Variants in C1orf167 observed in about 807,000 individuals in gnomAD.
The protein encoded by C1orf167 is uncharacterized protein C1orf167.
C1orf167 carries 153 observed loss-of-function variants against 176.5 expected under a neutral mutation model. The ratio of observed to expected loss-of-function variants is 0.87; its 90% CI spans 0.76 to 0.99. C1orf167 has a LOEUF of 0.99. Ranked by LOEUF, C1orf167 falls within the 50% of genes least tolerant of loss-of-function variation. C1orf167 has a pLI of 0.00. For missense variants in C1orf167, 1,490 were observed against 1,817.7 expected, an observed-to-expected ratio of 0.82 and a Z score of 3.28; for synonymous variants, 594 against 752.7, an observed-to-expected ratio of 0.79 and a Z score of 3.45.
chr1:11,767,405 G>A (rs954224316), intron 4 of C1orf167, 141 bp downstream of exon 4: 64 of 711,028 alleles, frequency 9.0e-5, no homozygotes, highest in Non-Finnish European at 1.3e-4. Flanking sequence ...CTTACTACCT[G>A]TCCCTGCTGG....
intron 6 of C1orf167, among the ~76,000 whole-genome samples, chr1:11,770,798 C>A (rs1643017239): frequency 7.8e-6 from 1 of 127,596 alleles, no homozygotes; most frequent in Non-Finnish European, 1.7e-5. Flanking sequence ...CAATTTTCTA[C>A]TACAGTTGGG....
At position 11,775,613 on chromosome 1, in the gene C1orf167, G is replaced by GAGCTAGT; in HGVS notation, c.2164+4_2164+10dup. 7.7e-7 allele frequency: 1 copy of GAGCTAGT among 1,301,024 alleles called. No homozygotes were observed. Among genetic ancestry groups the GAGCTAGT allele is most frequent in the South Asian group, 1.2e-5 (1 of 80,592 alleles). The allele number at this position is 1,301,024 out of a possible 1,614,324, so 80.6% of individuals were successfully genotyped here. A position where few individuals can be genotyped will look rare whatever the true frequency, so the allele number is the denominator to read the frequency against. ...GTCCCTCTGCCGGCAGAAAGCAGGT[G>GAGCTAGT]AGCTAGTGTTGGCTTCCGCCCCAGC... On this transcript the variant is annotated splice_donor_region_variant and intron_variant, in intron 9 of 20. Transcript: ENST00000688073.
chr1:11,789,159 G>A (rs897112727), intron 20 of C1orf167, 111 bp from the exon 21 acceptor site: 44 of 1,066,244 alleles, frequency 4.1e-5, no homozygotes, highest in Admixed American at 7.0e-5. Context: ...GGGGCAGAGG[G>A]AGGGGCCCTG....
chr1:11,780,370 C>T (rs1200485854), intron 13 of C1orf167, among the ~76,000 whole-genome samples: 3 of 152,104 alleles, frequency 2.0e-5, no homozygotes, highest in South Asian at 4.1e-4. Context: ...GTGAAATTTC[C>T]AAGAGGGACA....
At chr1:11,784,616 AG>A in intron 15 of C1orf167, 23 bp downstream of exon 15, 1 of 1,213,528 alleles carries the variant, frequency 8.2e-7, no homozygotes, top group South Asian at 1.5e-5. Flanking sequence ...GTCTAAGTGC[AG>A]CCCCACTCTG....
Position 11,767,015 on chromosome 1 carries a change from G to A in C1orf167, c.1229G>A (p.Arg410Gln), listed in dbSNP as rs757940966. 8.3e-6 allele frequency: 10 copies of A among 1,210,788 alleles called. No individual in the cohort carries two copies. The highest frequency in any genetic ancestry group is 6.3e-5 in the African/African-American group (4 of 63,390). The allele number at this position is 1,210,788 out of a possible 1,614,324, so 75.0% of individuals were successfully genotyped here. A position where few individuals can be genotyped will look rare whatever the true frequency, so the allele number is the denominator to read the frequency against. ...GGAGAGGAGGGGGCCCCGAGGGAGC[G>A]GGTCCACAGGGAGGAGGAGAGGACA... ...QKGEEGAPRE[R>Q]VHREEERTAF... The change falls in exon 3 of 21, where the codon CGG becomes CAG. Residue 410 changes from arginine to glutamine, a missense_variant. Physicochemically the swap from Arg to Gln is conservative, Grantham distance 43. Transcript: ENST00000688073.
At chr1:11,763,898 C>T (rs1642652500) in intron 1 of C1orf167, among the ~76,000 whole-genome samples, 1 of 152,100 alleles carries the variant, frequency 6.6e-6, no homozygotes, top group Non-Finnish European at 1.5e-5. Flanking sequence ...GGGGTGGCTC[C>T]AGGATTTTTG....
rs1643922661 is a variant in C1orf167, at chr1:11,787,694, T to C, written c.3674-179T>C. 4 of 1,012,770 alleles carry C rather than the reference T, an allele frequency of 3.9e-6. No individual in the cohort carries two copies. In the South Asian group the frequency reaches 7.0e-5, roughly 18 times the overall value. 62.7% of individuals were successfully genotyped at this position (1,012,770 alleles called of 1,614,324 possible). On this transcript the variant is annotated intron_variant, in intron 17 of 20. Transcript: ENST00000688073. ...ATTCCTGCCCCGCCCCTGTGATTTCTCTTTGGGCGGCAGGCAGCCGGGAGA... is the reference window on the plus strand; with the variant it reads ...ATTCCTGCCCCGCCCCTGTGATTTCCCTTTGGGCGGCAGGCAGCCGGGAGA...
rs938398385 is a variant in C1orf167, at chr1:11,784,245, A to G, written c.3077A>G (p.Asp1026Gly). Residue 1026 changes from aspartate (D) to glycine (G), a missense_variant, in exon 15 of 21, where the codon GAT (aspartate) becomes GGT (glycine). By Grantham distance (94) the Asp-to-Gly change is moderately conservative. Transcript: ENST00000688073. ...CGGGCCCAGCATCAAGCCTTTCAGG[A>G]TGGCCTGAGGAGAAGAGCACTGGGG... ...VLRAQHQAFQ[D>G]GLRRRALGAV... 1.2e-5 allele frequency: 16 copies of G among 1,296,926 alleles called. No homozygotes were observed. The highest frequency in any genetic ancestry group is 1.5e-5 in the Non-Finnish European group (15 of 985,036). The allele number at this position is 1,296,926 out of a possible 1,614,324, so 80.3% of individuals were successfully genotyped here.
chr1:11,771,496 G>T, intron 6 of C1orf167, 28 bp from the exon 7 acceptor site: 3 of 1,278,428 alleles, frequency 2.3e-6, no homozygotes, highest in Non-Finnish European at 3.1e-6. Context: ...CGGGTCATCA[G>T]CTTCTCTCTG....
chr1:11,784,974 G>A (rs766120768), intron 15 of C1orf167, among the ~76,000 whole-genome samples, 174 bp from the exon 16 acceptor site: 5 of 152,178 alleles, frequency 3.3e-5, no homozygotes, highest in Non-Finnish European at 5.9e-5. Context: ...CTTCCAGGTC[G>A]CTCTCCATCC....
At chr1:11,785,113 A>G (rs576133192) in intron 15 of C1orf167, 35 bp from the exon 16 acceptor site, 1 of 1,010,960 alleles carries the variant, frequency 9.9e-7, no homozygotes, top group East Asian at 7.4e-5. Context: ...CCTGGCCTTT[A>G]TGGCCCTGGC....
chr1:11,763,414 G>T (rs1258120714), intron 1 of C1orf167, among the ~76,000 whole-genome samples: 1 of 146,610 alleles, frequency 6.8e-6, no homozygotes, highest in Non-Finnish European at 1.5e-5. Flanking sequence ...CATTGTACCA[G>T]CCTGGGTGGC....
chr1:11,788,573 CG>C (rs758721001), intron 19 of C1orf167, 78 bp from the exon 20 acceptor site: 1 of 1,205,100 alleles, frequency 8.3e-7, no homozygotes, highest in Non-Finnish European at 1.1e-6. Context: ...GCAGCAGTGT[CG>C]GGGGAGAAAG....
At chr1:11,775,741 G>A in intron 9 of C1orf167, 131 bp downstream of exon 9, 2 of 1,134,266 alleles carry the variant, frequency 1.8e-6, no homozygotes, top group South Asian at 1.5e-5. Flanking sequence ...CAGCCTGTAG[G>A]CCTGGGAGGG....
chr1:11,766,966 T>C lies in C1orf167; in HGVS notation c.1180T>C (p.Trp394Arg). 8.3e-7 allele frequency: 1 copy of C among 1,208,130 alleles called. No homozygotes were observed. Among genetic ancestry groups the C allele is most frequent in the Non-Finnish European group, 1.1e-6 (1 of 949,686 alleles). The allele number at this position is 1,208,130 out of a possible 1,614,324, so 74.8% of individuals were successfully genotyped here. A position where few individuals can be genotyped will look rare whatever the true frequency, so the allele number is the denominator to read the frequency against. The change falls in exon 3 of 21, where the codon TGG (tryptophan) becomes CGG (arginine). Residue 394 changes from tryptophan (W) to arginine (R), a missense_variant. Physicochemically the swap from Trp to Arg is moderately radical, Grantham distance 101. Coordinates refer to ENST00000688073, the MANE Select transcript of C1orf167 (RefSeq NM_001010881.2). The surrounding 1 kb of genome is among the most constrained non-coding windows in gnomAD (Gnocchi z 4.5). The part of the protein sequence containing the change: ...PCSSAFSNTA[W>R]GVSPKQKGEE... Reference sequence around the variant, plus strand: ...TTCCTCAGCCTTCTCCAACACAGCCTGGGGAGTCTCACCCAAGCAGAAAGG... The same window carrying C: ...TTCCTCAGCCTTCTCCAACACAGCCCGGGGAGTCTCACCCAAGCAGAAAGG...
intron 8 of C1orf167, among the ~76,000 whole-genome samples, chr1:11,773,468 G>A (rs12079693): frequency 0.57 from 86,994 of 151,622 alleles, 25,812 homozygotes; most frequent in East Asian, 0.77. Flanking sequence ...AGCACTTTGG[G>A]AGGCCGAGGC....
chr1:11,785,430 C>A, intron 16 of C1orf167, 141 bp downstream of exon 16: 1 of 973,830 alleles, frequency 1.0e-6, no homozygotes, highest in Non-Finnish European at 1.3e-6. Context: ...GACCCTCGGA[C>A]CACCGGCCTT....
chr1:11,766,603 G>C lies in C1orf167; in HGVS notation c.817G>C (p.Gly273Arg). The change falls in exon 3 of 21, where the codon GGC becomes CGC. Residue 273 changes from glycine (G) to arginine (R), a missense_variant. Physicochemically the swap from Gly to Arg is moderately radical, Grantham distance 125. Coordinates refer to ENST00000688073, the MANE Select transcript of C1orf167 (RefSeq NM_001010881.2). The surrounding 1 kb of genome is among the most constrained non-coding windows in gnomAD (Gnocchi z 4.5). ...PGAVQQDLWT[G>R]GGQPFSAHPQ... ...TGCTGTGCAGCAGGACCTCTGGACCGGCGGCGGCCAGCCATTCTCCGCCCA... is the reference window on the plus strand; with the variant it reads ...TGCTGTGCAGCAGGACCTCTGGACCCGCGGCGGCCAGCCATTCTCCGCCCA... 1 of 1,275,978 alleles carries C rather than the reference G, an allele frequency of 7.8e-7. No individual in the cohort carries two copies. Among genetic ancestry groups the C allele is most frequent in the Non-Finnish European group, 1.0e-6 (1 of 981,304 alleles). The allele number at this position is 1,275,978 out of a possible 1,614,324, so 79.0% of individuals were successfully genotyped here.
Sources: allele counts gnomAD v4.1 joint callset (sites outside exome capture counted in the v4.1 genomes callset), GRCh38; gene constraint gnomAD v4.1.1; non-coding constraint Gnocchi (gnomAD v3.1); transcripts MANE v1.5; gene names NCBI Gene and HGNC (gene_info 2026-07-23, HGNC 2026-07-21).